The following DIDO1 variants were observed in gnomAD, a reference collection of about 807,000 sequenced individuals.
DIDO1 encodes death inducer-obliterator 1, also known as death-inducer obliterator 1.
DIDO1 carries 16 observed loss-of-function variants against 99.4 expected under a neutral mutation model. The ratio of observed to expected loss-of-function variants is 0.16; its 90% CI spans 0.11 to 0.24. The LOEUF (loss-of-function observed/expected upper bound fraction) is 0.24, where lower values mean the gene tolerates loss of function less well. Among genes scored for constraint, DIDO1 ranks in the 10% least tolerant of loss-of-function variants. DIDO1 has a pLI of 1.00. For synonymous variants in DIDO1, 1,366 were observed against 1,239.1 expected, an observed-to-expected ratio of 1.10 and a Z score of -2.15; for missense variants, 2,996 against 3,014.0, an observed-to-expected ratio of 0.99 and a Z score of 0.14.
chr20:62,934,361 C>T (rs1292465910), intron 1 of DIDO1, among the ~76,000 whole-genome samples: 2 of 152,178 alleles, frequency 1.3e-5, no homozygotes, highest in South Asian at 2.1e-4. Context: ...GGCATCTCCA[C>T]GTGAATGCCT....
intron 6 of DIDO1, among the ~76,000 whole-genome samples, chr20:62,904,802 A>AAAAAAAAAAAC: frequency 7.3e-6 from 1 of 136,090 alleles, no homozygotes; most frequent in Admixed American, 7.7e-5. Context: ...AAAAAAAAAA[A>AAAAAAAAAAAC]AAAAAGTGTC....
chr20:62,885,271 G>A (rs2147364138), intron 15 of DIDO1, among the ~76,000 whole-genome samples: 1 of 152,296 alleles, frequency 6.6e-6, no homozygotes, highest in East Asian at 1.9e-4. Flanking sequence ...AGTAGGGCTT[G>A]TGGGGCCTCG....
At position 62,892,030 on chromosome 20, in the gene DIDO1, G is replaced by A. The variant is rs1217219455; in HGVS notation, c.3302C>T (p.Thr1101Ile). 3 of 1,613,550 alleles carry A rather than the reference G, an allele frequency of 1.9e-6. No homozygotes were observed. The highest frequency in any genetic ancestry group is 1.7e-6 in the Non-Finnish European group (2 of 1,179,932). ...IHIGGRIAPK[T>I]VWDYVGKLKS... ...GAGTTTGCCAACATAATCCCAAACTGTCTTCGGTGCGATCCTCCCACCAAT... is the reference window on the plus strand; with the variant it reads ...GAGTTTGCCAACATAATCCCAAACTATCTTCGGTGCGATCCTCCCACCAAT... The change falls in exon 14 of 16, where the codon ACA (threonine) becomes ATA (isoleucine). Residue 1101 changes from threonine (T) to isoleucine (I), a missense_variant. Coordinates refer to ENST00000395343, the MANE Select transcript of DIDO1 (RefSeq NM_001193369.2).
At chr20:62,898,493 A>G (rs2064587440) in intron 6 of DIDO1, among the ~76,000 whole-genome samples, 1 of 152,234 alleles carries the variant, frequency 6.6e-6, no homozygotes. Context: ...TGTCACTGTT[A>G]ACAGATATTC....
intron 1 of DIDO1, among the ~76,000 whole-genome samples, chr20:62,920,073 T>C (rs1180713015): frequency 6.6e-6 from 1 of 152,210 alleles, no homozygotes; most frequent in Non-Finnish European, 1.5e-5. Flanking sequence ...CCAGGATTCC[T>C]GTTGCTCTTA....
chr20:62,913,078 G>A (rs1252170275), intron 2 of DIDO1, among the ~76,000 whole-genome samples: 2 of 152,220 alleles, frequency 1.3e-5, no homozygotes, highest in Non-Finnish European at 2.9e-5. Flanking sequence ...CTTGCAACCT[G>A]TAACCTGTGT....
Position 62,880,779 on chromosome 20 carries a change from T to C in DIDO1, c.5177A>G (p.Gln1726Arg). The change falls in exon 16 of 16, where the codon CAG becomes CGG. Residue 1726 changes from glutamine to arginine, a missense_variant. Physicochemically the swap from Gln to Arg is conservative, Grantham distance 43. Around this residue, in one of 5 missense-constraint regions of DIDO1, gnomAD observed 1,562 missense variants for 1,412.6 expected, o/e 1.11. Coordinates refer to ENST00000395343, the MANE Select transcript of DIDO1 (RefSeq NM_001193369.2). Reference sequence around the variant, plus strand: ...GGCGGTGCCCTCGCCGGGTCTGGCCTGTGGCTCTCTGTCCCCCTCTGTTTC... The same window carrying C: ...GGCGGTGCCCTCGCCGGGTCTGGCCCGTGGCTCTCTGTCCCCCTCTGTTTC... ...AGETEGDREP[Q>R]ARPGEGTAPL... The C allele has an allele frequency of 6.2e-7, 1 of 1,612,666 alleles. No homozygotes were observed. Among genetic ancestry groups the C allele is most frequent in the East Asian group, 2.2e-5 (1 of 44,850 alleles).
In DIDO1 at chr20:62,881,562, G is replaced by C; in HGVS notation, c.4394C>G (p.Ala1465Gly). 1 of 1,611,986 alleles carries C rather than the reference G, an allele frequency of 6.2e-7. No homozygotes were observed. Residue 1465 changes from alanine to glycine, a missense_variant, in exon 16 of 16, where the codon GCC becomes GGC. Ala to Gly is a moderately conservative substitution (Grantham distance 60). Transcript: ENST00000395343. This position sits in a 1 kb window ranked among gnomAD's most constrained non-coding sequence, Gnocchi z 8.3. ...NSVERPAEPV[A>G]GAATPSLVEQ... ...CACCAGGGAGGGCGTCGCAGCCCCG[G>C]CCACCGGCTCGGCAGGCCTCTCCAC...
chr20:62,883,695 C>T (rs886594225), intron 15 of DIDO1, among the ~76,000 whole-genome samples: 2 of 152,126 alleles, frequency 1.3e-5, no homozygotes, highest in Non-Finnish European at 2.9e-5. Context: ...TGTGGTGGCG[C>T]ACACCTGTAG....
chr20:62,905,836 T>C lies in DIDO1; in HGVS notation c.1588+51A>G, dbSNP rs1034114154. ...CCTGGACAGGCCCAGGGGATGGCTA[T>C]CCAGAAAGAACGGGAGGGGTCCAGG... is the stretch of plus-strand genomic sequence containing the variant. On this transcript the variant is annotated intron_variant, in intron 6 of 15. Transcript: ENST00000395343. The C allele has an allele frequency of 2.5e-6, 4 of 1,613,912 alleles. No individual in the cohort carries two copies. In the East Asian group the frequency reaches 6.7e-5, roughly 27 times the overall value.
At chr20:62,882,512 T>G in intron 15 of DIDO1, 98 bp from the exon 16 acceptor site, 1 of 1,192,054 alleles carries the variant, frequency 8.4e-7, no homozygotes, top group Non-Finnish European at 1.2e-6. Context: ...GAACGTTTAA[T>G]AGACAAAAAT....
At chr20:62,929,695 GTA>G (rs71195479), upstream of DIDO1, among the ~76,000 whole-genome samples, 69 of 97,734 alleles carry the variant, frequency 7.1e-4, 1 homozygote, top group Non-Finnish European at 7.6e-4. Context: ...AAGAAAAAGT[GTA>G]TATATATATA....
At chr20:62,925,865 A>T (rs933952509) in intron 1 of DIDO1, among the ~76,000 whole-genome samples, 4 of 152,010 alleles carry the variant, frequency 2.6e-5, no homozygotes, top group Non-Finnish European at 5.9e-5. Context: ...GTAAGGACAC[A>T]CTCTTCAGAA....
rs1473827777 is a variant in DIDO1 at position 62,880,518 on chromosome 20, C to T, written c.5438G>A (p.Gly1813Glu). 4 of 1,612,964 alleles carry T rather than the reference C, an allele frequency of 2.5e-6. No homozygotes were observed. Among genetic ancestry groups the T allele is most frequent in the Non-Finnish European group, 3.4e-6 (4 of 1,179,954 alleles). The part of the protein sequence containing the change: ...QKGPIPSLFS[G>E]QHGPPPYGDS... ...CCCATAAGGAGGTGGCCCATGTTGC[C>T]CCGAGAATAAGGAAGGGATGGGCCC... The change falls in exon 16 of 16, where the codon GGG becomes GAG. Residue 1813 changes from glycine (G) to glutamate (E), a missense_variant. Physicochemically the swap from Gly to Glu is moderately conservative, Grantham distance 98. Around this residue, in one of 5 missense-constraint regions of DIDO1, gnomAD observed 1,562 missense variants for 1,412.6 expected, o/e 1.11. Transcript: ENST00000395343.
intron 2 of DIDO1, among the ~76,000 whole-genome samples, chr20:62,912,529 T>G (rs924617492): frequency 1.3e-5 from 2 of 152,158 alleles, no homozygotes; most frequent in Admixed American, 6.5e-5. Context: ...ATTTTTCACT[T>G]TCATTCTAAT....
In DIDO1 at chr20:62,880,192, G is replaced by A. The variant is rs763813658; in HGVS notation, c.5764C>T (p.His1922Tyr). The change falls in exon 16 of 16, where the codon CAT becomes TAT. Residue 1922 changes from histidine to tyrosine, a missense_variant. Transcript: ENST00000395343. ...TGGGGCCCTCTTGGGCCCACGAAAT[G>A]ACCAGGGGGTGGTCCTCTCTGACCT... ...FGGQRGPPPG[H>Y]FVGPRGPHPS... The A allele has an allele frequency of 2.5e-6, 4 of 1,612,458 alleles. No individual in the cohort carries two copies. Among genetic ancestry groups the A allele is most frequent in the Non-Finnish European group, 3.4e-6 (4 of 1,179,904 alleles).
chr20:62,900,123 G>A (rs2064632818), intron 6 of DIDO1, among the ~76,000 whole-genome samples: 1 of 152,194 alleles, frequency 6.6e-6, no homozygotes, highest in African/African-American at 2.4e-5. Context: ...GGCCCCCTGG[G>A]GGCAGCAGTG....
chr20:62,907,476 T>G lies in DIDO1; in HGVS notation c.1162-117A>C, dbSNP rs761885095. The G allele has an allele frequency of 4.3e-4, 402 of 945,722 alleles. 1 individual carries two copies. Among genetic ancestry groups the G allele is most frequent in the Non-Finnish European group, 5.9e-4 (374 of 632,524 alleles). 58.6% of individuals were successfully genotyped at this position (945,722 alleles called of 1,614,324 possible). A position where few individuals can be genotyped will look rare whatever the true frequency, so the allele number is the denominator to read the frequency against. On this transcript the variant is annotated intron_variant, in intron 4 of 15. Transcript: ENST00000395343. The stretch of plus-strand genomic sequence containing the variant: ...AGGCCACAGTTTCAAAATGAGATAC[T>G]AACAGTACTTTTAATATGAATAAAC...
chr20:62,930,402 G>A (rs1321339228), upstream of DIDO1, among the ~76,000 whole-genome samples: 5 of 152,178 alleles, frequency 3.3e-5, no homozygotes, highest in African/African-American at 1.2e-4. Flanking sequence ...GGTAACATAA[G>A]GGGAACCGGC....
Sources: gnomAD v4.1 joint callset for allele counts (sites outside exome capture counted in the v4.1 genomes callset) on GRCh38, gnomAD v4.1.1 for gene constraint, gnomAD v4.1.1 regional missense constraint, Gnocchi (gnomAD v3.1) non-coding constraint, MANE v1.5 for transcripts, NCBI Gene and HGNC (gene_info 2026-07-23, HGNC 2026-07-21) for gene names.